SBNO2: variants seen among roughly 807,000 people sequenced by gnomAD.
SBNO2 encodes the protein strawberry notch homolog 2, also known as protein strawberry notch homolog 2.
A neutral mutation model predicts 146.3 loss-of-function variants in SBNO2; 89 were observed. That is an observed-to-expected ratio of 0.61 (90% CI 0.51 to 0.73). The LOEUF (loss-of-function observed/expected upper bound fraction) is 0.73, where lower values mean the gene tolerates loss of function less well. SBNO2 is among the 30% of genes least tolerant of loss of function. SBNO2 has a pLI of 0.00. For missense variants in SBNO2, 2,092 were observed against 2,003.7 expected (o/e 1.04, Z -0.84); for synonymous variants, 1,147 against 892.6 (o/e 1.29, Z -5.08).
At chr19:1,114,586 C>T (rs1399634442) in intron 17 of SBNO2, among the ~76,000 whole-genome samples, 164 bp from the exon 18 acceptor site, 1 of 152,128 alleles carries the variant, frequency 6.6e-6, no homozygotes, top group Admixed American at 6.5e-5. Flanking sequence ...CCAGGGACGC[C>T]CTCTAGGGAA....
chr19:1,117,451 GGCCGATCCAGT>G lies in SBNO2; in HGVS notation c.1565_1575del (p.Asp522AlafsTer76). The G allele has an allele frequency of 6.3e-7, 1 of 1,589,230 alleles. No individual in the cohort carries two copies. The highest frequency in any genetic ancestry group is 8.6e-7 in the Non-Finnish European group (1 of 1,169,500). On this transcript the variant is annotated frameshift_variant, in exon 15 of 32. Transcript: ENST00000361757. LOFTEE classifies it high-confidence loss of function. ...CCCCACAGGGACTTGCGCGACTCCAGGCCGATCCAGTCGGCCGCCTGCTGGAACACGTTCAG... is the reference window on the plus strand; with the variant it reads ...CCCCACAGGGACTTGCGCGACTCCAGCGGCCGCCTGCTGGAACACGTTCAG...
chr19:1,166,670 A>C (rs1204827384), intron 1 of SBNO2, among the ~76,000 whole-genome samples: 1 of 151,878 alleles, frequency 6.6e-6, no homozygotes, highest in Non-Finnish European at 1.5e-5. Context: ...CACACACGCT[A>C]AAAACCTTTT....
chr19:1,109,593 G>A lies in SBNO2; in HGVS notation c.3129C>T (p.Ser1043=), dbSNP rs1476000966. The part of the protein sequence containing the change: ...QDGQVVFYKI[S]VDRGLKWEDA... ...CCTCCCACTTCAGGCCGCGGTCCACGCTGATCTGCCACGGCACGGGGTGGG... is the reference window on the plus strand; with the variant it reads ...CCTCCCACTTCAGGCCGCGGTCCACACTGATCTGCCACGGCACGGGGTGGG... The change falls in exon 28 of 32, where the codon AGC becomes AGT. Residue 1043 remains serine, a synonymous_variant. Transcript: ENST00000361757. This position sits in a 1 kb window ranked among gnomAD's most constrained non-coding sequence, Gnocchi z 4.2. 6.3e-7 allele frequency: 1 copy of A among 1,585,296 alleles called. No homozygotes were observed. The highest frequency in any genetic ancestry group is 8.6e-7 in the Non-Finnish European group (1 of 1,167,352).
chr19:1,146,218 A>G (rs2080188284), intron 4 of SBNO2, among the ~76,000 whole-genome samples: 1 of 152,146 alleles, frequency 6.6e-6, no homozygotes, highest in South Asian at 2.1e-4. Context: ...GTCCCCTCAC[A>G]GACTCTACTG....
At chr19:1,147,222 T>C in intron 4 of SBNO2, 87 bp downstream of exon 4, 1 of 903,484 alleles carries the variant, frequency 1.1e-6, no homozygotes, top group Non-Finnish European at 1.7e-6. Flanking sequence ...CAGGCAGGCC[T>C]GAGCGAGAGA....
At chr19:1,117,817 T>TCACC (rs1399977027) in intron 14 of SBNO2, among the ~76,000 whole-genome samples, 1 of 152,244 alleles carries the variant, frequency 6.6e-6, no homozygotes, top group Non-Finnish European at 1.5e-5. Context: ...GACCAGGGTC[T>TCACC]CACCCAGGTG....
chr19:1,142,355 C>T (rs1157057554), intron 4 of SBNO2, among the ~76,000 whole-genome samples: 1 of 151,638 alleles, frequency 6.6e-6, no homozygotes, highest in African/African-American at 2.4e-5. Flanking sequence ...GCGGAGTCCA[C>T]TGGCCCCAGG....
Position 1,112,823 on chromosome 19 carries a change from C to T in SBNO2, c.2374G>A (p.Glu792Lys), listed in dbSNP as rs867796351. 1.0e-5 allele frequency: 16 copies of T among 1,571,660 alleles called. No individual in the cohort carries two copies. Among genetic ancestry groups the T allele is most frequent in the Non-Finnish European group, 1.2e-5 (14 of 1,160,182 alleles). Residue 792 changes from glutamate to lysine, a missense_variant, in exon 20 of 32, where the codon GAG becomes AAG. Transcript: ENST00000361757. The surrounding 1 kb of genome is among the most constrained non-coding windows in gnomAD (Gnocchi z 5.9). Reference protein sequence around the residue: ...LREKQRFMSGEKLVAIISEAS... With the variant: ...LREKQRFMSGKKLVAIISEAS... The stretch of plus-strand genomic sequence containing the variant: ...AGTGCACTGCAGCCCCGCACCTTCT[C>T]GCCGCTCATGAAGCGCTGCTTCTCC...
At chr19:1,132,738 C>T (rs879770962) in intron 4 of SBNO2, among the ~76,000 whole-genome samples, 13 of 152,276 alleles carry the variant, frequency 8.5e-5, no homozygotes, top group Non-Finnish European at 1.9e-4. Flanking sequence ...GCAAAGTCCC[C>T]TCCCTGCTCT....
intron 3 of SBNO2, 26 bp from the exon 4 acceptor site, chr19:1,147,446 G>A (rs2080203325): frequency 8.7e-7 from 1 of 1,142,938 alleles, no homozygotes; most frequent in Non-Finnish European, 1.2e-6. Flanking sequence ...GGGGGGGGAG[G>A]TGAGATGGGG....
At chr19:1,121,792 A>G (rs943986988) in intron 11 of SBNO2, among the ~76,000 whole-genome samples, 2 of 152,128 alleles carry the variant, frequency 1.3e-5, no homozygotes, top group Non-Finnish European at 2.9e-5. Flanking sequence ...GACCACATCT[A>G]TGGTCACTCA....
chr19:1,117,651 G>A (rs1420573488), intron 14 of SBNO2, among the ~76,000 whole-genome samples, 152 bp from the exon 15 acceptor site: 2 of 152,264 alleles, frequency 1.3e-5, no homozygotes, highest in South Asian at 4.1e-4. Flanking sequence ...CACTGTAAGA[G>A]GCACTGCCTC....
At chr19:1,111,912 A>ACCCCCC in intron 23 of SBNO2, 84 bp downstream of exon 23, 1 of 1,133,376 alleles carries the variant, frequency 8.8e-7, no homozygotes. Context: ...GCCCCCATCT[A>ACCCCCC]CCCCCTCCCC....
At position 1,140,928 on chromosome 19, in the gene SBNO2, G is replaced by A. The variant is rs949583041; in HGVS notation, c.279+6381C>T. On this transcript the variant is annotated intron_variant, in intron 4 of 31. Transcript: ENST00000361757. This position sits in a 1 kb window ranked among gnomAD's most constrained non-coding sequence, Gnocchi z 4.4. Reference sequence around the variant, plus strand: ...TCCACGCCGCACTGTACATGGTGCCGTCTGAGGGATTCCTCCATCCAGTCA... The same window carrying A: ...TCCACGCCGCACTGTACATGGTGCCATCTGAGGGATTCCTCCATCCAGTCA... Among the ~76,000 whole-genome samples the A allele has an allele frequency of 6.6e-6, 1 of 152,156 alleles. No individual in the cohort carries two copies. The highest frequency in any genetic ancestry group is 1.5e-5 in the Non-Finnish European group (1 of 68,024).
intron 4 of SBNO2, among the ~76,000 whole-genome samples, chr19:1,135,779 C>A (rs1352646258): frequency 6.6e-6 from 1 of 151,844 alleles, no homozygotes; most frequent in Non-Finnish European, 1.5e-5. Context: ...GGGGCTCCTC[C>A]TGGAGGGGGC....
At chr19:1,163,106 G>A (rs901863279) in intron 1 of SBNO2, among the ~76,000 whole-genome samples, 2 of 152,232 alleles carry the variant, frequency 1.3e-5, no homozygotes, top group African/African-American at 4.8e-5. Flanking sequence ...GCACCGGGGT[G>A]ACTACAGTCC....
Position 1,144,040 on chromosome 19 carries a change from G to A in SBNO2, c.279+3269C>T, listed in dbSNP as rs867585793. Among the ~76,000 whole-genome samples the A allele has an allele frequency of 1.8e-4, 27 of 152,352 alleles. No homozygotes were observed. The highest frequency in any genetic ancestry group is 6.0e-4 in the African/African-American group (25 of 41,576). On this transcript the variant is annotated intron_variant, in intron 4 of 31. Transcript: ENST00000361757. This position sits in a 1 kb window ranked among gnomAD's most constrained non-coding sequence, Gnocchi z 4.1. Reference sequence around the variant, plus strand: ...CTGGCTGGGCTGCGCTGGGGGGCACGGCGCAAAGGGCCTCGAACACCAGGC... The same window carrying A: ...CTGGCTGGGCTGCGCTGGGGGGCACAGCGCAAAGGGCCTCGAACACCAGGC...
chr19:1,116,853 A>C lies in SBNO2; in HGVS notation c.1778T>G (p.Leu593Arg). ...REVLGENDGH[L>R]NCFVSAAEGV... is the part of the protein sequence containing the mutation. ...CTCAGCGGCCGAGACGAAGCAGTTG[A>C]GGTGCCCATCGTTCTCCCCCAGCAC... The change falls in exon 16 of 32, where the codon CTC (leucine) becomes CGC (arginine). Residue 593 changes from leucine to arginine, a missense_variant. Coordinates refer to ENST00000361757, the MANE Select transcript of SBNO2 (RefSeq NM_014963.3). 1 of 1,591,386 alleles carries C rather than the reference A, an allele frequency of 6.3e-7. No homozygotes were observed. The highest frequency in any genetic ancestry group is 8.5e-7 in the Non-Finnish European group (1 of 1,170,758).
chr19:1,149,422 G>T lies in SBNO2; in HGVS notation c.114C>A (p.Pro38=). Residue 38 remains proline (P), a synonymous_variant, in exon 3 of 32, where the codon CCC becomes CCA. Coordinates refer to ENST00000361757, the MANE Select transcript of SBNO2 (RefSeq NM_014963.3). ...PPLQSAMLHC[P]YWNTFSLPPY... The stretch of plus-strand genomic sequence containing the variant: ...GCGGCAGCGAGAAGGTGTTCCAGTA[G>T]GGGCAGTGCAGCATGGCGCTCTAGA... 6.4e-7 allele frequency: 1 copy of T among 1,552,336 alleles called. No homozygotes were observed. Among genetic ancestry groups the T allele is most frequent in the Non-Finnish European group, 8.7e-7 (1 of 1,148,210 alleles).
Sources: gnomAD v4.1 joint callset for allele counts (sites outside exome capture counted in the v4.1 genomes callset) on GRCh38, gnomAD v4.1.1 for gene constraint, Gnocchi (gnomAD v3.1) non-coding constraint, MANE v1.5 for transcripts, NCBI Gene and HGNC (gene_info 2026-07-23, HGNC 2026-07-21) for gene names.